CKMT2: variants seen among roughly 807,000 people sequenced by gnomAD.
The protein encoded by CKMT2 is creatine kinase S-type, mitochondrial.
A neutral mutation model predicts 48.9 loss-of-function variants in CKMT2; 43 were observed. The ratio of observed to expected loss-of-function variants is 0.88; its 90% CI spans 0.69 to 1.13. The LOEUF (loss-of-function observed/expected upper bound fraction) is 1.13. Among genes scored for constraint, CKMT2 ranks in the 50% most tolerant of loss-of-function variants. CKMT2 has a pLI of 0.00. For synonymous variants in CKMT2, 206 were observed against 213.0 expected, an observed-to-expected ratio of 0.97 and a Z score of 0.29; for missense variants, 472 against 555.4, an observed-to-expected ratio of 0.85 and a Z score of 1.51.
At position 81,252,799 on chromosome 5, in the gene CKMT2, C is replaced by T. The variant is rs770566266; in HGVS notation, c.257C>T (p.Thr86Met). The T allele has an allele frequency of 1.2e-5, 19 of 1,614,132 alleles. No homozygotes were observed. Among genetic ancestry groups the T allele is most frequent in the East Asian group, 2.2e-5 (1 of 44,894 alleles). Reference protein sequence around the residue: ...LRNKVTPNGYTLDQCIQTGVD... With the variant: ...LRNKVTPNGYMLDQCIQTGVD... The stretch of plus-strand genomic sequence containing the variant: ...AACAAGGTGACACCCAACGGCTACA[C>T]GCTGGACCAGTGCATCCAGACTGGA... The change falls in exon 3 of 10, where the codon ACG (threonine) becomes ATG (methionine). Residue 86 changes from threonine (T) to methionine (M), a missense_variant. Transcript: ENST00000254035.
chr5:81,242,935 G>A (rs566952894), intron 1 of CKMT2, among the ~76,000 whole-genome samples: 1 of 152,256 alleles, frequency 6.6e-6, no homozygotes, highest in East Asian at 1.9e-4. Context: ...GTTTCTACAG[G>A]GAATCAAACA....
At chr5:81,236,089 A>G (rs1479920395) in intron 1 of CKMT2, 1 of 152,294 alleles carries the variant, frequency 6.6e-6, no homozygotes, top group Non-Finnish European at 1.5e-5. Flanking sequence ...GCGGGCAGAG[A>G]TATCCCTGGC....
intron 1 of CKMT2, among the ~76,000 whole-genome samples, chr5:81,241,371 T>C (rs528355763): frequency 6.6e-6 from 1 of 152,196 alleles, no homozygotes; most frequent in African/African-American, 2.4e-5. Context: ...TTGAAATGTA[T>C]ATAAATCTTT....
intron 4 of CKMT2, chr5:81,254,769 G>A (rs1014182526): frequency 6.7e-6 from 4 of 598,038 alleles, no homozygotes; most frequent in South Asian, 2.1e-5. Context: ...ACCCAGTGAC[G>A]GTCAAGGACC....
In CKMT2 at chr5:81,259,216, C is replaced by A. The variant is rs760692241; in HGVS notation, c.976C>A (p.Arg326=). 7.4e-6 allele frequency: 12 copies of A among 1,614,040 alleles called. No homozygotes were observed. Among genetic ancestry groups the A allele is most frequent in the Middle Eastern group, 1.6e-4 (1 of 6,062 alleles). The change falls in exon 8 of 10, where the codon CGA becomes AGA. Residue 326 remains arginine, a synonymous_variant. Coordinates refer to ENST00000254035, the MANE Select transcript of CKMT2 (RefSeq NM_001099735.2). ...TCCTTCGAACCTTGGAACAGGACTA[C>A]GAGCTGGTGTCCACGTTAGGATCCC... is the stretch of plus-strand genomic sequence containing the variant. ...TCPSNLGTGL[R]AGVHVRIPKL...
intron 1 of CKMT2, among the ~76,000 whole-genome samples, chr5:81,240,497 C>T (rs971900799): frequency 2.0e-5 from 3 of 152,204 alleles, no homozygotes; most frequent in Non-Finnish European, 4.4e-5. Flanking sequence ...CCACTCAAAT[C>T]CTTTGCAGTG....
chr5:81,235,049 T>G (rs530773136), intron 1 of CKMT2, among the ~76,000 whole-genome samples: 96 of 152,266 alleles, frequency 6.3e-4, no homozygotes, highest in African/African-American at 2.2e-3. Flanking sequence ...GGCAGCCCAC[T>G]TCACAGCACT....
chr5:81,248,259 A>C (rs1347391325), intron 1 of CKMT2, among the ~76,000 whole-genome samples: 1 of 152,262 alleles, frequency 6.6e-6, no homozygotes, highest in African/African-American at 2.4e-5. Context: ...GGTCAATCCC[A>C]GAAAGGAACA....
chr5:81,254,760 C>T (rs1185510592), intron 4 of CKMT2: 2 of 598,058 alleles, frequency 3.3e-6, no homozygotes, highest in African/African-American at 3.7e-5. Flanking sequence ...TCCCAAACCA[C>T]CCAGTGACGG....
intron 1 of CKMT2, among the ~76,000 whole-genome samples, chr5:81,245,913 T>C (rs1329280497): frequency 6.6e-6 from 1 of 152,156 alleles, no homozygotes; most frequent in Admixed American, 6.5e-5. Flanking sequence ...CGCCCAACTG[T>C]AGACCAGAAA....
Position 81,257,873 on chromosome 5 carries a change from G to GATTTCTGGATATTTATT in CKMT2, c.879+19_879+35dup. On this transcript the variant is annotated intron_variant, in intron 7 of 9. Transcript: ENST00000254035. ...CTAAAAGAAGTAAGATGTTATCTGAGATTTCTGGATATTTATTAAAATAAA... is the reference window on the plus strand; with the variant it reads ...CTAAAAGAAGTAAGATGTTATCTGAGATTTCTGGATATTTATTATTTCTGGATATTTATTAAAATAAA... 1 of 1,600,490 alleles carries GATTTCTGGATATTTATT rather than the reference G, an allele frequency of 6.2e-7. No homozygotes were observed. Among genetic ancestry groups the GATTTCTGGATATTTATT allele is most frequent in the Non-Finnish European group, 8.5e-7 (1 of 1,172,392 alleles).
At chr5:81,257,900 T>G in intron 7 of CKMT2, 44 bp downstream of exon 7, 2 of 1,570,120 alleles carry the variant, frequency 1.3e-6, no homozygotes, top group Non-Finnish European at 1.7e-6. Context: ...TAAAATAAAA[T>G]TACCGTATTG....
At chr5:81,240,026 C>T (rs1255089016) in intron 1 of CKMT2, among the ~76,000 whole-genome samples, 2 of 151,870 alleles carry the variant, frequency 1.3e-5, no homozygotes, top group Non-Finnish European at 2.9e-5. Context: ...CATATCTCTA[C>T]CCCCTCCTCA....
intron 1 of CKMT2, among the ~76,000 whole-genome samples, chr5:81,249,908 C>CGTCTTT (rs1320134921): frequency 1.3e-5 from 2 of 152,146 alleles, no homozygotes; most frequent in African/African-American, 4.8e-5. Context: ...CTGCTCTTCA[C>CGTCTTT]GTCTTTGTCA....
chr5:81,249,454 CAA>C (rs1756727940), intron 1 of CKMT2, among the ~76,000 whole-genome samples: 1 of 152,272 alleles, frequency 6.6e-6, no homozygotes, highest in East Asian at 1.9e-4. Flanking sequence ...GTTCTCTACT[CAA>C]AGAGCCACAT....
At chr5:81,265,835 G>GTCTT (rs1757367032) in intron 9 of CKMT2, among the ~76,000 whole-genome samples, 1 of 152,186 alleles carries the variant, frequency 6.6e-6, no homozygotes, top group South Asian at 2.1e-4. Context: ...TGTCACTGTA[G>GTCTT]TCTTACTTCT....
intron 1 of CKMT2, chr5:81,238,101 A>G (rs903310757): frequency 2.0e-5 from 3 of 152,170 alleles, no homozygotes; most frequent in Admixed American, 6.5e-5. Flanking sequence ...TTGGGAGGCC[A>G]AGGCGGGCAG....
intron 5 of CKMT2, among the ~76,000 whole-genome samples, chr5:81,256,183 A>T (rs942180606): frequency 6.6e-6 from 1 of 152,134 alleles, no homozygotes; most frequent in African/African-American, 2.4e-5. Context: ...CAAAAAAAAA[A>T]GTCTTGACTT....
intron 4 of CKMT2, 29 bp from the exon 5 acceptor site, chr5:81,254,964 C>A (rs1393298337): frequency 6.3e-7 from 1 of 1,594,110 alleles, no homozygotes; most frequent in Non-Finnish European, 8.6e-7. Context: ...CCGAGGCTGG[C>A]CACAGTGACC....
Sources: allele counts gnomAD v4.1 joint callset (sites outside exome capture counted in the v4.1 genomes callset), GRCh38; gene constraint gnomAD v4.1.1; transcripts MANE v1.5; gene names NCBI Gene and HGNC (gene_info 2026-07-23, HGNC 2026-07-21).